Variants in TTC39C observed in about 807,000 individuals in gnomAD.
TTC39C encodes tetratricopeptide repeat protein 39C.
In TTC39C, 33 loss-of-function variants were observed where a neutral mutation model predicts 76.3. The observed-to-expected ratio is 0.43, with a 90% CI of 0.33 to 0.58. The LOEUF is 0.58. TTC39C is among the 20% of genes least tolerant of loss of function. The pLI is 0.04. For synonymous variants in TTC39C, 254 were observed against 260.6 expected (o/e 0.97, Z 0.24); for missense variants, 595 against 701.4 (o/e 0.85, Z 1.71).
chr18:24,117,711 GAAAA>G (rs5823411), intron 7 of TTC39C, among the ~76,000 whole-genome samples: 9 of 114,880 alleles, frequency 7.8e-5, no homozygotes, highest in Admixed American at 7.6e-4. Context: ...CAAAAAAAAA[GAAAA>G]AAAAAAAAAA....
chr18:24,045,927 ATTTTTTTTTT>A (rs1156578816), intron 1 of TTC39C, among the ~76,000 whole-genome samples: 4 of 25,678 alleles, frequency 1.6e-4, no homozygotes, highest in African/African-American at 3.3e-4. Flanking sequence ...ATATATATAT[ATTTTTTTTTT>A]TTTTTTTTTT....
intron 11 of TTC39C, among the ~76,000 whole-genome samples, chr18:24,129,291 G>C (rs552333187): frequency 6.6e-6 from 1 of 152,160 alleles, no homozygotes; most frequent in Non-Finnish European, 1.5e-5. Context: ...TTGAAGGAGC[G>C]GAGTGAAGTC....
chr18:24,007,029 G>A (rs1317871734), intron 1 of TTC39C, among the ~76,000 whole-genome samples: 2 of 152,216 alleles, frequency 1.3e-5, no homozygotes, highest in East Asian at 3.8e-4. Context: ...GGAGATACCT[G>A]TTATGAATTA....
chr18:24,069,342 A>G (rs933253453), intron 4 of TTC39C, 71 bp downstream of exon 4: 7 of 1,295,414 alleles, frequency 5.4e-6, no homozygotes, highest in Non-Finnish European at 6.6e-6. Context: ...CTTTTTTAAG[A>G]ATGCCTTATA....
intron 6 of TTC39C, among the ~76,000 whole-genome samples, chr18:24,107,062 G>T (rs1302529439): frequency 6.6e-6 from 1 of 152,074 alleles, no homozygotes; most frequent in East Asian, 1.9e-4. Context: ...TATTCTTTTC[G>T]CAACTCTAGA....
chr18:23,996,296 G>A lies in TTC39C; in HGVS notation c.-17+3258G>A, dbSNP rs150457500. On this transcript the variant is annotated intron_variant, in intron 1 of 13. Transcript: ENST00000304621. ...AGAGATGGAAGAGGGGCAGTGCATC[G>A]AAAACTTCCCTAAGTGTATCTACTA... 4.6e-5 allele frequency among the ~76,000 whole-genome samples: 7 copies of A among 152,326 alleles called. No individual in the cohort carries two copies. The East Asian group carries it at 5.8e-4, about 13-fold the overall frequency.
At chr18:24,127,156 T>A (rs1189056764) in intron 10 of TTC39C, among the ~76,000 whole-genome samples, 1 of 152,220 alleles carries the variant, frequency 6.6e-6, no homozygotes, top group Admixed American at 6.5e-5. Flanking sequence ...AATTCTCTAA[T>A]ATCTTTGCTA....
At chr18:24,027,215 C>G (rs2145668350) in intron 1 of TTC39C, among the ~76,000 whole-genome samples, 1 of 152,098 alleles carries the variant, frequency 6.6e-6, no homozygotes, top group South Asian at 2.1e-4. Context: ...TCGCTTGAAC[C>G]CGGGAGGCAG....
intron 1 of TTC39C, among the ~76,000 whole-genome samples, chr18:24,031,572 C>A (rs9960975): frequency 0.033 from 4,993 of 152,206 alleles, 242 homozygotes; most frequent in African/African-American, 0.11. Flanking sequence ...TCTCAAGTAT[C>A]TGTTGAATCC....
At chr18:24,093,099 C>T (rs11665448) in intron 6 of TTC39C, among the ~76,000 whole-genome samples, 1 of 152,098 alleles carries the variant, frequency 6.6e-6, no homozygotes, top group Non-Finnish European at 1.5e-5. Flanking sequence ...TAATATTACT[C>T]TATGAGTATT....
chr18:24,051,865 G>A (rs2083954772), intron 1 of TTC39C, among the ~76,000 whole-genome samples: 1 of 152,136 alleles, frequency 6.6e-6, no homozygotes, highest in Non-Finnish European at 1.5e-5. Context: ...GTAGGACGTG[G>A]TTGGTTGGTT....
chr18:24,070,926 C>G (rs375393618), intron 4 of TTC39C, among the ~76,000 whole-genome samples: 4 of 152,056 alleles, frequency 2.6e-5, no homozygotes, highest in African/African-American at 9.6e-5. Context: ...TATATCAGAA[C>G]TTTTTTGTTT....
intron 3 of TTC39C, among the ~76,000 whole-genome samples, chr18:24,067,476 A>C (rs1047181668): frequency 3.3e-5 from 5 of 152,168 alleles, no homozygotes; most frequent in African/African-American, 4.8e-5. Context: ...GCAGGAGGTG[A>C]TCTGCAGGGC....
intron 3 of TTC39C, 81 bp from the exon 4 acceptor site, chr18:24,069,076 G>A: frequency 8.5e-7 from 1 of 1,178,560 alleles, no homozygotes; most frequent in Non-Finnish European, 1.3e-6. Flanking sequence ...AAATTATCTT[G>A]TACAATAACC....
chr18:24,083,353 G>A (rs777214403), intron 6 of TTC39C, among the ~76,000 whole-genome samples: 62 of 152,172 alleles, frequency 4.1e-4, no homozygotes, highest in Non-Finnish European at 7.2e-4. Context: ...CCTAAGGCAC[G>A]TGAGCATTAT....
intron 6 of TTC39C, among the ~76,000 whole-genome samples, chr18:24,105,536 A>T (rs768552626): frequency 6.1e-4 from 93 of 152,334 alleles, no homozygotes; most frequent in Middle Eastern, 6.8e-3. Context: ...GCACACACAC[A>T]CTTGCAGGCA....
intron 1 of TTC39C, among the ~76,000 whole-genome samples, chr18:24,049,745 G>T (rs1278969092): frequency 6.6e-6 from 1 of 152,106 alleles, no homozygotes; most frequent in Non-Finnish European, 1.5e-5. Context: ...TCACACCCAA[G>T]CCCCAACATT....
At chr18:24,114,524 C>T in intron 6 of TTC39C, 30 bp from the exon 7 acceptor site, 1 of 1,477,710 alleles carries the variant, frequency 6.8e-7, no homozygotes, top group Non-Finnish European at 9.5e-7. Flanking sequence ...CAGATCTTAG[C>T]TGGTAATTCT....
chr18:24,005,377 AT>A (rs376340115), intron 1 of TTC39C, among the ~76,000 whole-genome samples: 2,505 of 152,180 alleles, frequency 0.016, 53 homozygotes, highest in African/African-American at 0.051. Context: ...CAAAGATAAG[AT>A]TTTTTTTCAT....
Sources: gnomAD v4.1 joint callset for allele counts (sites outside exome capture counted in the v4.1 genomes callset) on GRCh38, gnomAD v4.1.1 for gene constraint, MANE v1.5 for transcripts, NCBI Gene and HGNC (gene_info 2026-07-23, HGNC 2026-07-21) for gene names.